The following MAPK10 variants were observed in gnomAD, a reference collection of about 807,000 sequenced individuals.
MAPK10 encodes mitogen-activated protein kinase 10, also known as JNK3 alpha protein kinase.
A neutral mutation model predicts 59.3 loss-of-function variants in MAPK10; 25 were observed. The observed-to-expected ratio is 0.42, with a 90% CI of 0.31 to 0.59. The LOEUF is 0.59. Ranked by LOEUF, MAPK10 falls within the 20% of genes least tolerant of loss-of-function variation. The pLI is 0.15. For missense variants in MAPK10, 351 were observed against 568.9 expected (o/e 0.62, Z 3.90); for synonymous variants, 190 against 200.5 (o/e 0.95, Z 0.44).
In MAPK10 at chr4:86,083,992, A is replaced by G. The variant is rs543220154; in HGVS notation, c.802+14532T>C. 8.5e-5 allele frequency among the ~76,000 whole-genome samples: 13 copies of G among 152,304 alleles called. No homozygotes were observed. The East Asian group carries it at 1.7e-3, about 20-fold the overall frequency. On this transcript the variant is annotated intron_variant, in intron 9 of 13. Coordinates refer to ENST00000641462, the MANE Select transcript of MAPK10 (RefSeq NM_138982.4). ...TGGCCTTAAACAGAAAGACCCAGTC[A>G]TATCAGGATTCATCACCTGCTAACT...
At chr4:86,135,793 T>A (rs2061930911) in intron 4 of MAPK10, among the ~76,000 whole-genome samples, 1 of 151,796 alleles carries the variant, frequency 6.6e-6, no homozygotes, top group Admixed American at 6.6e-5. Context: ...TTGAAAAAAA[T>A]TTAGAAGAAT....
At chr4:86,475,767 C>A (rs1239637529) in intron 1 of MAPK10, among the ~76,000 whole-genome samples, 3 of 151,778 alleles carry the variant, frequency 2.0e-5, no homozygotes, top group Non-Finnish European at 4.4e-5. Flanking sequence ...GGGCAAGAAC[C>A]CCCCACCCCT....
At chr4:86,135,546 T>A (rs913536378) in intron 4 of MAPK10, among the ~76,000 whole-genome samples, 3 of 151,960 alleles carry the variant, frequency 2.0e-5, no homozygotes, top group Non-Finnish European at 4.4e-5. Context: ...TACATCACCA[T>A]CATCAAAGAC....
At chr4:86,311,935 A>G (rs1482420248) in intron 2 of MAPK10, among the ~76,000 whole-genome samples, 1 of 150,628 alleles carries the variant, frequency 6.6e-6, no homozygotes, top group African/African-American at 2.4e-5. Context: ...AAAATAGCCA[A>G]TAGAAGGAAA....
chr4:86,242,067 C>T (rs1013001538), intron 2 of MAPK10, among the ~76,000 whole-genome samples: 11 of 151,820 alleles, frequency 7.2e-5, no homozygotes, highest in Non-Finnish European at 1.2e-4. Context: ...GTTATTGTCG[C>T]TTTCTGCTTG....
At chr4:86,404,302 A>G (rs907538111) in intron 1 of MAPK10, among the ~76,000 whole-genome samples, 26 of 152,224 alleles carry the variant, frequency 1.7e-4, no homozygotes, top group Non-Finnish European at 2.4e-4. Context: ...GAGGAAAGGA[A>G]GAGAATTGAT....
intron 4 of MAPK10, among the ~76,000 whole-genome samples, chr4:86,147,933 C>G (rs2065406357): frequency 6.6e-6 from 1 of 152,142 alleles, no homozygotes; most frequent in South Asian, 2.1e-4. Context: ...TGATGTATTA[C>G]TCCTGAAATT....
intron 2 of MAPK10, among the ~76,000 whole-genome samples, chr4:86,320,582 G>A (rs1050710433): frequency 6.6e-5 from 10 of 152,246 alleles, no homozygotes; most frequent in East Asian, 1.9e-4. Flanking sequence ...AGTAGGTTGC[G>A]AAAATTTTCT....
At chr4:86,315,325 G>A (rs1046817058) in intron 2 of MAPK10, among the ~76,000 whole-genome samples, 5 of 151,988 alleles carry the variant, frequency 3.3e-5, no homozygotes, top group African/African-American at 1.2e-4. Context: ...AAATGCATAA[G>A]ACCTAGCGTT....
intron 9 of MAPK10, among the ~76,000 whole-genome samples, chr4:86,096,021 A>C (rs2054156741): frequency 6.6e-6 from 1 of 151,756 alleles, no homozygotes; most frequent in South Asian, 2.1e-4. Context: ...ATTTTTTTTA[A>C]CTTTTAGGTC....
At position 86,489,216 on chromosome 4, in the gene MAPK10, C is replaced by T. The variant is rs371981516; in HGVS notation, c.-263+104694G>A. Among the ~76,000 whole-genome samples the T allele has an allele frequency of 1.9e-4, 29 of 152,292 alleles. No individual in the cohort carries two copies. In the South Asian group the frequency reaches 5.6e-3, roughly 29 times the overall value. On this transcript the variant is annotated intron_variant, in intron 1 of 4. Transcript: ENST00000502302. ...GGACAACCACCACACTGATCCCATACCTTAATTGTGAGCTAAATAATGACT... is the reference window on the plus strand; with the variant it reads ...GGACAACCACCACACTGATCCCATATCTTAATTGTGAGCTAAATAATGACT...
intron 1 of MAPK10, among the ~76,000 whole-genome samples, chr4:86,536,027 T>C (rs1444388633): frequency 6.6e-6 from 1 of 152,126 alleles, no homozygotes; most frequent in African/African-American, 2.4e-5. Flanking sequence ...GGAAGAAATA[T>C]AATAGGACAT....
chr4:86,212,886 G>A (rs1332024133), intron 2 of MAPK10, among the ~76,000 whole-genome samples: 4 of 151,990 alleles, frequency 2.6e-5, no homozygotes, highest in Non-Finnish European at 5.9e-5. Flanking sequence ...ATGAACAATA[G>A]CTAATAGACG....
chr4:86,443,725 A>T (rs1250054788), intron 1 of MAPK10, among the ~76,000 whole-genome samples: 1 of 152,200 alleles, frequency 6.6e-6, no homozygotes, highest in Non-Finnish European at 1.5e-5. Flanking sequence ...CAAACAGTCC[A>T]GGGCACACTA....
At chr4:86,247,956 C>T (rs2093202753) in intron 2 of MAPK10, among the ~76,000 whole-genome samples, 1 of 152,150 alleles carries the variant, frequency 6.6e-6, no homozygotes, top group Admixed American at 6.5e-5. Flanking sequence ...CTCAAAGGTC[C>T]TTCTAATTTT....
chr4:86,384,428 G>T (rs1741190730), intron 1 of MAPK10, among the ~76,000 whole-genome samples: 1 of 152,180 alleles, frequency 6.6e-6, no homozygotes, highest in Admixed American at 6.5e-5. Flanking sequence ...AGGAAGTGAG[G>T]CCCATAGGGT....
At chr4:86,285,687 C>T (rs2094979205) in intron 2 of MAPK10, among the ~76,000 whole-genome samples, 1 of 152,108 alleles carries the variant, frequency 6.6e-6, no homozygotes, top group African/African-American at 2.4e-5. Context: ...GAAACAGAAT[C>T]AACAGGATAT....
intron 3 of MAPK10, among the ~76,000 whole-genome samples, chr4:86,161,981 T>C (rs1350276169): frequency 6.6e-6 from 1 of 151,964 alleles, no homozygotes; most frequent in East Asian, 1.9e-4. Flanking sequence ...AGCTTAACGA[T>C]TCATGTCACT....
intron 2 of MAPK10, among the ~76,000 whole-genome samples, chr4:86,341,052 A>C (rs1724596173): frequency 6.6e-6 from 1 of 152,146 alleles, no homozygotes; most frequent in Non-Finnish European, 1.5e-5. Context: ...CAACACAGGG[A>C]GAGATGGTGG....
Sources: gnomAD v4.1 joint callset for allele counts (sites outside exome capture counted in the v4.1 genomes callset) on GRCh38, gnomAD v4.1.1 for gene constraint, MANE v1.5 for transcripts, NCBI Gene and HGNC (gene_info 2026-07-23, HGNC 2026-07-21) for gene names.